The following TAF3 variants were observed in gnomAD, a reference collection of about 807,000 sequenced individuals.
TAF3 encodes the protein transcription initiation factor TFIID subunit 3.
A neutral mutation model predicts 80.6 loss-of-function variants in TAF3; 7 were observed. The ratio of observed to expected loss-of-function variants is 0.09; its 90% confidence interval spans 0.05 to 0.16. The LOEUF (loss-of-function observed/expected upper bound fraction) is 0.16, where lower values mean the gene tolerates loss of function less well. TAF3 is among the 10% of genes least tolerant of loss of function. TAF3 has a pLI of 1.00. For synonymous variants in TAF3, 444 were observed against 446.1 expected (o/e 1.00, Z 0.06); for missense variants, 921 against 1,140.2 (o/e 0.81, Z 2.77).
intron 2 of TAF3, among the ~76,000 whole-genome samples, chr10:7,825,083 C>G (rs1836727410): frequency 1.3e-5 from 2 of 152,140 alleles, no homozygotes. Flanking sequence ...GATAGCTAAT[C>G]AGGTATAATG....
At chr10:7,866,317 T>C (rs1247137380) in intron 2 of TAF3, among the ~76,000 whole-genome samples, 5 of 152,058 alleles carry the variant, frequency 3.3e-5, no homozygotes, top group Non-Finnish European at 7.4e-5. Context: ...ATCATCCAAA[T>C]AAGAAGATGA....
In TAF3 at chr10:8,009,183, C is replaced by T. The variant is rs761732712; in HGVS notation, c.2421C>T (p.Leu807=). 6.6e-6 allele frequency: 10 copies of T among 1,511,720 alleles called. 1 individual carries two copies. The highest frequency in any genetic ancestry group is 4.6e-4 in the Middle Eastern group (2 of 4,338). The allele number at this position is 1,511,720 out of a possible 1,614,324, so 93.6% of individuals were successfully genotyped here. Reference sequence around the variant, plus strand: ...CCGCGCCCGCCCCCGGCCCCATGCTCGTCAGCCCTGCGCCCGTGCCGCTGC... The same window carrying T: ...CCGCGCCCGCCCCCGGCCCCATGCTTGTCAGCCCTGCGCCCGTGCCGCTGC... The part of the protein sequence containing the change: ...PAPAPAPGPM[L]VSPAPVPLPL... Residue 807 remains leucine, a synonymous_variant, in exon 5 of 7, where the codon CTC becomes CTT. Coordinates refer to ENST00000344293, the MANE Select transcript of TAF3 (RefSeq NM_031923.4). The surrounding 1 kb of genome is among the most constrained non-coding windows in gnomAD (Gnocchi z 4.1).
chr10:7,977,191 G>A (rs974139085), intron 3 of TAF3, 50 bp from the exon 4 acceptor site: 3 of 1,553,492 alleles, frequency 1.9e-6, no homozygotes, highest in Non-Finnish European at 2.7e-6. Context: ...GTGGTAGGAG[G>A]TACTTTTGTT....
intron 2 of TAF3, among the ~76,000 whole-genome samples, chr10:7,962,374 C>T (rs1049632656): frequency 2.6e-5 from 4 of 152,156 alleles, no homozygotes; most frequent in Non-Finnish European, 5.9e-5. Flanking sequence ...ATCCATCCTG[C>T]GTGTTCCTGC....
chr10:7,831,336 C>T (rs1041371438), intron 2 of TAF3, among the ~76,000 whole-genome samples: 6 of 151,716 alleles, frequency 4.0e-5, no homozygotes, highest in Middle Eastern at 3.2e-3. Context: ...ACATACTTGA[C>T]GGATTTCATT....
chr10:7,932,669 A>ATTTT lies in TAF3; in HGVS notation c.410-31229_410-31226dup, dbSNP rs34907761. On this transcript the variant is annotated intron_variant, in intron 2 of 6. Coordinates refer to ENST00000344293, the MANE Select transcript of TAF3 (RefSeq NM_031923.4). ...CTGACGTTGATTTATGTTCCACTTA[A>ATTTT]TTTTTTTTTTTTTTTTTTTTTTTTT... Among the ~76,000 whole-genome samples the ATTTT allele has an allele frequency of 8.8e-4, 69 of 78,822 alleles. 2 individuals carry two copies. The highest frequency in any genetic ancestry group is 2.5e-3 in the African/African-American group (44 of 17,386). The allele number at this position is 78,822 out of a possible 152,430, so 51.7% of individuals were successfully genotyped here.
chr10:7,819,898 C>T (rs182354239), intron 1 of TAF3, among the ~76,000 whole-genome samples: 11 of 152,262 alleles, frequency 7.2e-5, no homozygotes, highest in Admixed American at 2.6e-4. Flanking sequence ...ACAGGGCTGC[C>T]AAAATAATCT....
intron 2 of TAF3, among the ~76,000 whole-genome samples, chr10:7,932,505 A>G (rs183873833): frequency 2.2e-4 from 34 of 152,258 alleles, no homozygotes; most frequent in Non-Finnish European, 2.9e-4. Flanking sequence ...ATTGATTATG[A>G]GTCTGGGGTC....
At position 7,825,662 on chromosome 10, in the gene TAF3, C is replaced by T. The variant is rs75945516; in HGVS notation, c.409+1102C>T. ...GGTTCATTCATGTTGTAGCCTGTGT[C>T]GGGATTTCGTTGTGTGTTTCGTTGT... On this transcript the variant is annotated intron_variant, in intron 2 of 6. Coordinates refer to ENST00000344293, the MANE Select transcript of TAF3 (RefSeq NM_031923.4). Among the ~76,000 whole-genome samples, 243 of 152,218 alleles carry T rather than the reference C, an allele frequency of 1.6e-3. 1 individual carries two copies. The highest frequency in any genetic ancestry group is 5.4e-3 in the African/African-American group (225 of 41,532).
chr10:7,998,117 T>G (rs60531888), intron 4 of TAF3, among the ~76,000 whole-genome samples: 2,981 of 151,772 alleles, frequency 0.02, 109 homozygotes, highest in African/African-American at 0.068. Flanking sequence ...AATGGGTTAC[T>G]TTAGTGCCTC....
chr10:7,973,664 C>T (rs1831642066), intron 3 of TAF3, among the ~76,000 whole-genome samples: 1 of 152,126 alleles, frequency 6.6e-6, no homozygotes, highest in Non-Finnish European at 1.5e-5. Flanking sequence ...GGAATATAAC[C>T]AAGCACAATG....
intron 4 of TAF3, among the ~76,000 whole-genome samples, chr10:7,984,599 C>G (rs981210312): frequency 9.9e-5 from 15 of 152,166 alleles, no homozygotes; most frequent in Admixed American, 3.9e-4. Flanking sequence ...CTTAATGGGT[C>G]CAGGTCTTAT....
intron 2 of TAF3, among the ~76,000 whole-genome samples, chr10:7,888,255 T>G (rs999157273): frequency 6.6e-6 from 1 of 152,214 alleles, no homozygotes; most frequent in Non-Finnish European, 1.5e-5. Flanking sequence ...TTTTTTTGCT[T>G]CTTTACTCCT....
rs570095288 is a variant in TAF3 at position 7,980,692 on chromosome 10, G to A, written c.2315+3369G>A. Among the ~76,000 whole-genome samples, 7 of 152,294 alleles carry A rather than the reference G, an allele frequency of 4.6e-5. No homozygotes were observed. The Middle Eastern group carries it at 0.014, about 296-fold the overall frequency. On this transcript the variant is annotated intron_variant, in intron 4 of 6. Transcript: ENST00000344293. Reference sequence around the variant, plus strand: ...AAATATCTGGTCCAGCCTAGCAGAAGCCTTGCCTTGATGCTGGGATAGCAA... The same window carrying A: ...AAATATCTGGTCCAGCCTAGCAGAAACCTTGCCTTGATGCTGGGATAGCAA...
At chr10:7,904,008 A>C (rs10795572) in intron 2 of TAF3, among the ~76,000 whole-genome samples, 84,794 of 152,000 alleles carry the variant, frequency 0.56, 25,351 homozygotes, top group East Asian at 0.74. Context: ...GAGAAGTTTC[A>C]CGGTGCGTCT....
Position 7,972,949 on chromosome 10 carries a change from A to G in TAF3, c.2233-4292A>G, listed in dbSNP as rs184463479. On this transcript the variant is annotated intron_variant, in intron 3 of 6. Coordinates refer to ENST00000344293, the MANE Select transcript of TAF3 (RefSeq NM_031923.4). ...TAAAGTGAATAGCTCCATGTAAGCC[A>G]TCAATATTACCAGAAAAAGGACTCA... Among the ~76,000 whole-genome samples, 625 of 152,322 alleles carry G rather than the reference A, an allele frequency of 4.1e-3. 4 individuals carry two copies. Among genetic ancestry groups the G allele is most frequent in the African/African-American group, 0.014 (597 of 41,576 alleles).
chr10:7,897,894 G>A (rs148469393), intron 2 of TAF3, among the ~76,000 whole-genome samples: 7 of 152,040 alleles, frequency 4.6e-5, no homozygotes, highest in Non-Finnish European at 7.4e-5. Flanking sequence ...CTGCAGGGCC[G>A]AGCGATCCTC....
intron 2 of TAF3, among the ~76,000 whole-genome samples, chr10:7,962,892 A>G (rs1341856648): frequency 6.6e-6 from 1 of 152,168 alleles, no homozygotes; most frequent in Non-Finnish European, 1.5e-5. Context: ...ATTGTACATT[A>G]TATGCTTAGT....
chr10:7,885,261 C>CAT (rs908687289), intron 2 of TAF3, among the ~76,000 whole-genome samples: 1 of 151,646 alleles, frequency 6.6e-6, no homozygotes, highest in Non-Finnish European at 1.5e-5. Context: ...CACACACACA[C>CAT]ACACACACAC....
Sources: allele counts gnomAD v4.1 joint callset (sites outside exome capture counted in the v4.1 genomes callset), GRCh38; gene constraint gnomAD v4.1.1; non-coding constraint Gnocchi (gnomAD v3.1); transcripts MANE v1.5; gene names NCBI Gene and HGNC (gene_info 2026-07-23, HGNC 2026-07-21).